The following FBLN2 variants were observed in gnomAD, a reference collection of about 807,000 sequenced individuals.
FBLN2 encodes the protein fibulin-2.
A neutral mutation model predicts 123.7 loss-of-function variants in FBLN2; 81 were observed. The observed-to-expected ratio is 0.65, with a 90% CI of 0.55 to 0.79. The LOEUF (loss-of-function observed/expected upper bound fraction) is 0.79. Among genes scored for constraint, FBLN2 ranks in the 30% least tolerant of loss-of-function variants. The probability of loss-of-function intolerance (pLI) is 0.00; values close to 1 mark genes in which losing one functional copy is unlikely to be tolerated. For missense variants in FBLN2, 1,603 were observed against 1,681.3 expected (o/e 0.95, Z 0.81); for synonymous variants, 699 against 701.4 (o/e 1.00, Z 0.05).
chr3:13,620,907 G>A (rs1418344275), intron 8 of FBLN2, among the ~76,000 whole-genome samples: 1 of 152,180 alleles, frequency 6.6e-6, no homozygotes, highest in East Asian at 1.9e-4. Flanking sequence ...TACATGACGT[G>A]GCAGTGACCG....
intron 1 of FBLN2, among the ~76,000 whole-genome samples, chr3:13,567,577 C>G (rs893025507): frequency 2.6e-5 from 4 of 152,158 alleles, no homozygotes; most frequent in Non-Finnish European, 4.4e-5. Context: ...AGGCTGGTCT[C>G]GAACTCCTGA....
chr3:13,626,639 C>T (rs1368304473), intron 10 of FBLN2, 60 bp downstream of exon 10: 13 of 1,480,866 alleles, frequency 8.8e-6, no homozygotes, highest in Non-Finnish European at 1.2e-5. Context: ...TTTGCCCCGC[C>T]CCTCCCTGGT....
intron 2 of FBLN2, among the ~76,000 whole-genome samples, chr3:13,603,887 C>T (rs563053886): frequency 9.4e-4 from 143 of 152,322 alleles, no homozygotes; most frequent in African/African-American, 3.3e-3. Context: ...TCCACATCCT[C>T]TCCAGCACCT....
chr3:13,614,999 TCCATC>T (rs1705549022), intron 5 of FBLN2, among the ~76,000 whole-genome samples: 1 of 152,008 alleles, frequency 6.6e-6, no homozygotes, highest in Non-Finnish European at 1.5e-5. Context: ...CATCCATCCA[TCCATC>T]CATCCATCCA....
intron 2 of FBLN2, among the ~76,000 whole-genome samples, chr3:13,600,859 G>T (rs745789630): frequency 4.6e-5 from 7 of 152,052 alleles, no homozygotes; most frequent in Non-Finnish European, 8.8e-5. Flanking sequence ...CAGGTGATCC[G>T]CCCACCTCGG....
In FBLN2 at chr3:13,617,930, C is replaced by G. The variant is rs1705692306; in HGVS notation, c.1730-146C>G. 4 of 631,110 alleles carry G rather than the reference C, an allele frequency of 6.3e-6. No individual in the cohort carries two copies. In the Admixed American group the frequency reaches 7.5e-5, roughly 12 times the overall value. The allele number at this position is 631,110 out of a possible 1,614,324, so 39.1% of individuals were successfully genotyped here. On this transcript the variant is annotated intron_variant, in intron 5 of 17. Coordinates refer to ENST00000404922, the MANE Select transcript of FBLN2 (RefSeq NM_001004019.2). ...TCCACCCATCCACCCACCCACCCAT[C>G]CATCCATCCTGCTTCATCCATCCTT...
chr3:13,616,852 C>T (rs191627596), intron 5 of FBLN2, among the ~76,000 whole-genome samples: 1 of 152,308 alleles, frequency 6.6e-6, no homozygotes, highest in Admixed American at 6.5e-5. Flanking sequence ...TCTGGAGGCA[C>T]AGAGAGGCCT....
intron 2 of FBLN2, among the ~76,000 whole-genome samples, chr3:13,576,727 C>T (rs572195507): frequency 5.3e-5 from 8 of 151,908 alleles, no homozygotes; most frequent in African/African-American, 1.2e-4. Flanking sequence ...GGATCCCCCC[C>T]CCCCGGGTTC....
At chr3:13,587,835 G>A (rs1429752212) in intron 2 of FBLN2, among the ~76,000 whole-genome samples, 1 of 152,186 alleles carries the variant, frequency 6.6e-6, no homozygotes, top group Non-Finnish European at 1.5e-5. Context: ...ACCACAAAAT[G>A]TTTAAATTTA....
rs776023723 is a variant in FBLN2, at chr3:13,631,467, T to TC, written c.3214+16dup. ...GGGAGGTCCTGCAAGGGTGAGCAAG[T>TC]CCCCCCACACGCCCCCGCCTCCATC... On this transcript the variant is annotated intron_variant, in intron 16 of 17. Coordinates refer to ENST00000404922, the MANE Select transcript of FBLN2 (RefSeq NM_001004019.2). 16 of 1,572,750 alleles carry TC rather than the reference T, an allele frequency of 1.0e-5. 1 individual carries two copies. The highest frequency in any genetic ancestry group is 2.3e-5 in the East Asian group (1 of 42,816).
chr3:13,562,151 C>G (rs1415250258), intron 1 of FBLN2, among the ~76,000 whole-genome samples: 1 of 152,162 alleles, frequency 6.6e-6, no homozygotes. Flanking sequence ...CCGGGTCACC[C>G]TCTAATTTCC....
At chr3:13,616,916 G>T (rs569889502) in intron 5 of FBLN2, among the ~76,000 whole-genome samples, 2 of 152,334 alleles carry the variant, frequency 1.3e-5, no homozygotes, top group African/African-American at 4.8e-5. Flanking sequence ...GGTCACATCT[G>T]ATCCAATAGA....
chr3:13,635,804 C>T (rs1706442270), intron 16 of FBLN2, among the ~76,000 whole-genome samples: 1 of 152,198 alleles, frequency 6.6e-6, no homozygotes, highest in Non-Finnish European at 1.5e-5. Context: ...CCCCTGCCCT[C>T]CTGGAGCCCA....
intron 4 of FBLN2, among the ~76,000 whole-genome samples, chr3:13,612,752 T>C (rs191610345): frequency 2.0e-5 from 3 of 152,238 alleles, no homozygotes; most frequent in African/African-American, 7.2e-5. Flanking sequence ...TTTGGGTGGT[T>C]GTGGGGATCA....
chr3:13,568,676 C>T (rs1703822893), intron 1 of FBLN2: 4 of 723,780 alleles, frequency 5.5e-6, no homozygotes, highest in Non-Finnish European at 6.8e-6. Flanking sequence ...TCAGAGAAGC[C>T]CTCCTCTTCC....
At chr3:13,569,519 T>G (rs1389619789) in intron 1 of FBLN2, among the ~76,000 whole-genome samples, 5 of 136,050 alleles carry the variant, frequency 3.7e-5, no homozygotes, top group Admixed American at 7.4e-5. Flanking sequence ...GGGGAGGGAG[T>G]GGAGACAGAT....
chr3:13,554,650 C>T (rs1318605020), intron 1 of FBLN2, among the ~76,000 whole-genome samples: 1 of 142,366 alleles, frequency 7.0e-6, no homozygotes, highest in Non-Finnish European at 1.5e-5. Context: ...TCCCTCATCT[C>T]TGCTCCCCTG....
intron 6 of FBLN2, among the ~76,000 whole-genome samples, chr3:13,618,673 C>G (rs1045785061): frequency 6.6e-6 from 1 of 152,206 alleles, no homozygotes; most frequent in African/African-American, 2.4e-5. Flanking sequence ...CCTTTCCCCC[C>G]TCTCTTCTTC....
chr3:13,622,814 G>A (rs953330112), intron 9 of FBLN2, among the ~76,000 whole-genome samples: 2 of 152,266 alleles, frequency 1.3e-5, no homozygotes, highest in African/African-American at 4.8e-5. Flanking sequence ...ACCCAAAGTA[G>A]CTGGGACTCA....
Sources: allele counts gnomAD v4.1 joint callset (sites outside exome capture counted in the v4.1 genomes callset), GRCh38; gene constraint gnomAD v4.1.1; transcripts MANE v1.5; gene names NCBI Gene and HGNC (gene_info 2026-07-23, HGNC 2026-07-21).